SIPA1L3: variants seen among roughly 807,000 people sequenced by gnomAD.
SIPA1L3 encodes the protein signal induced proliferation associated 1 like 3, also known as signal-induced proliferation-associated 1-like protein 3.
Under a neutral mutation model 150.1 loss-of-function variants are expected in SIPA1L3, and 59 were observed. The observed-to-expected ratio is 0.39, with a 90% confidence interval of 0.32 to 0.49. The LOEUF is 0.49. Ranked by LOEUF, SIPA1L3 falls within the 20% of genes least tolerant of loss-of-function variation. The probability of loss-of-function intolerance (pLI) is 0.86; values close to 1 mark genes in which losing one functional copy is unlikely to be tolerated. For missense variants in SIPA1L3, 2,211 were observed against 2,489.5 expected, an observed-to-expected ratio of 0.89 and a Z score of 2.38; for synonymous variants, 1,070 against 1,077.6, an observed-to-expected ratio of 0.99 and a Z score of 0.14.
At chr19:38,088,682 A>G (rs1259898104) in intron 3 of SIPA1L3, 39 bp from the exon 4 acceptor site, 1 of 1,603,812 alleles carries the variant, frequency 6.2e-7, no homozygotes, top group South Asian at 1.1e-5. Context: ...CCTCCTTCCC[A>G]GACAGCTGAG....
At chr19:38,169,337 C>T (rs547891549) in intron 15 of SIPA1L3, among the ~76,000 whole-genome samples, 5 of 151,870 alleles carry the variant, frequency 3.3e-5, no homozygotes, top group Middle Eastern at 3.4e-3. Context: ...TGCAGTGAGC[C>T]GAGATCACGC....
Position 38,082,487 on chromosome 19 carries a change from A to G in SIPA1L3, c.922A>G (p.Ser308Gly). The G allele has an allele frequency of 6.3e-7, 1 of 1,593,274 alleles. No homozygotes were observed. The highest frequency in any genetic ancestry group is 1.1e-5 in the South Asian group (1 of 89,814). Residue 308 changes from serine to glycine, a missense_variant, in exon 3 of 22, where the codon AGC becomes GGC. This residue lies in a region of SIPA1L3 where 587 missense variants were observed against 534.5 expected (regional missense o/e 1.10). Coordinates refer to ENST00000222345, the MANE Select transcript of SIPA1L3 (RefSeq NM_015073.3). Reference sequence around the variant, plus strand: ...GTCCATCTTTCGGAAGCTAAGGAGCAGCAAACCCGAGGGGGAGGCTGGGCG... The same window carrying G: ...GTCCATCTTTCGGAAGCTAAGGAGCGGCAAACCCGAGGGGGAGGCTGGGCG... ...DSSIFRKLRS[S>G]KPEGEAGRSP...
At chr19:38,122,194 G>T (rs1971037434) in intron 9 of SIPA1L3, among the ~76,000 whole-genome samples, 1 of 151,106 alleles carries the variant, frequency 6.6e-6, no homozygotes, top group South Asian at 2.1e-4. Flanking sequence ...GCACTCCAAC[G>T]TGGGTGACAG....
chr19:38,099,844 A>G, intron 4 of SIPA1L3, 118 bp from the exon 5 acceptor site: 1 of 878,420 alleles, frequency 1.1e-6, no homozygotes, highest in South Asian at 2.0e-5. Context: ...TTCTGACCTT[A>G]GAGCACAAAC....
At chr19:38,048,326 A>G (rs1386934609) in intron 2 of SIPA1L3, among the ~76,000 whole-genome samples, 4 of 151,856 alleles carry the variant, frequency 2.6e-5, no homozygotes, top group African/African-American at 9.7e-5. Context: ...TCTGTCAGGG[A>G]CTCAGGTTCT....
At chr19:37,974,590 A>T (rs1301092945) in intron 1 of SIPA1L3, among the ~76,000 whole-genome samples, 2 of 151,968 alleles carry the variant, frequency 1.3e-5, no homozygotes, top group Non-Finnish European at 2.9e-5. Flanking sequence ...CGGTACTGTC[A>T]TGAGGGCAGA....
At chr19:38,092,209 C>T (rs917236576) in intron 4 of SIPA1L3, among the ~76,000 whole-genome samples, 6 of 151,918 alleles carry the variant, frequency 3.9e-5, no homozygotes, top group Admixed American at 6.6e-5. Context: ...TAGTGATACC[C>T]GTGTCTCTAA....
At chr19:38,101,958 T>A (rs1406552183) in intron 6 of SIPA1L3, among the ~76,000 whole-genome samples, 1 of 152,074 alleles carries the variant, frequency 6.6e-6, no homozygotes, top group African/African-American at 2.4e-5. Context: ...GAGAGCCACA[T>A]GCTTCGTGCT....
At chr19:37,945,652 G>A (rs7257688) in intron 1 of SIPA1L3, among the ~76,000 whole-genome samples, 102,163 of 151,986 alleles carry the variant, frequency 0.67, 35,848 homozygotes, top group African/African-American at 0.87. Context: ...AGATCCCCCC[G>A]TGTCTGTGGG....
At chr19:38,050,154 A>C (rs1319252089) in intron 2 of SIPA1L3, among the ~76,000 whole-genome samples, 2 of 152,196 alleles carry the variant, frequency 1.3e-5, no homozygotes, top group African/African-American at 4.8e-5. Context: ...TAATATATGT[A>C]AAGCATTTAA....
chr19:37,995,556 G>C (rs556222316), intron 1 of SIPA1L3, among the ~76,000 whole-genome samples: 1 of 152,184 alleles, frequency 6.6e-6, no homozygotes, highest in African/African-American at 2.4e-5. Context: ...CTCGGCTTGG[G>C]CACCATCAGG....
Position 38,082,303 on chromosome 19 carries a change from T to C in SIPA1L3, c.738T>C (p.Pro246=). 6.3e-7 allele frequency: 1 copy of C among 1,599,508 alleles called. No individual in the cohort carries two copies. Among genetic ancestry groups the C allele is most frequent in the Non-Finnish European group, 8.5e-7 (1 of 1,179,256 alleles). Residue 246 remains proline, a synonymous_variant, in exon 3 of 22, where the codon CCT becomes CCC. Transcript: ENST00000222345. The part of the protein sequence containing the change: ...QALTELLRAD[P]GPHLMGGGGG... ...TCACCGAGCTCCTCCGGGCAGATCC[T>C]GGCCCACACCTCATGGGGGGCGGCG... is the stretch of plus-strand genomic sequence containing the variant.
At position 38,140,155 on chromosome 19, in the gene SIPA1L3, G is replaced by C. The variant is rs78023259; in HGVS notation, c.3144-1029G>C. ...AGACACTCAGAGGATCAGCTCGATG[G>C]GGGTATGGGCACTTCCAGGCTGAAG... On this transcript the variant is annotated intron_variant, in intron 10 of 21. Transcript: ENST00000222345. Among the ~76,000 whole-genome samples the C allele has an allele frequency of 6.6e-5, 10 of 152,354 alleles. No individual in the cohort carries two copies. The East Asian group carries it at 1.5e-3, about 24-fold the overall frequency.
chr19:38,060,787 G>A (rs1390215870), intron 2 of SIPA1L3, among the ~76,000 whole-genome samples: 1 of 152,220 alleles, frequency 6.6e-6, no homozygotes, highest in Non-Finnish European at 1.5e-5. Flanking sequence ...TGCCTCCCGG[G>A]TTCAAGTGAT....
chr19:38,113,391 G>C (rs1335046056), intron 8 of SIPA1L3, among the ~76,000 whole-genome samples: 1 of 152,140 alleles, frequency 6.6e-6, no homozygotes, highest in Non-Finnish European at 1.5e-5. Flanking sequence ...ACTTTGGGAG[G>C]CTGAGGCAGG....
At chr19:38,032,890 G>A (rs1968685077) in intron 2 of SIPA1L3, among the ~76,000 whole-genome samples, 1 of 152,010 alleles carries the variant, frequency 6.6e-6, no homozygotes, top group East Asian at 1.9e-4. Flanking sequence ...TAAGTTGGAT[G>A]TATATAGTGT....
chr19:38,182,435 C>G, intron 15 of SIPA1L3, 84 bp from the exon 16 acceptor site: 2 of 1,047,166 alleles, frequency 1.9e-6, no homozygotes, highest in Non-Finnish European at 2.8e-6. Flanking sequence ...TTTTTTGATT[C>G]CCAAGAGTAA....
intron 8 of SIPA1L3, among the ~76,000 whole-genome samples, chr19:38,111,539 C>T (rs936318502): frequency 2.0e-5 from 3 of 152,178 alleles, no homozygotes; most frequent in African/African-American, 7.2e-5. Flanking sequence ...GGTGCTGGAG[C>T]AGAGGACGTG....
chr19:38,117,639 T>C (rs1175672986), intron 8 of SIPA1L3, among the ~76,000 whole-genome samples: 1 of 151,694 alleles, frequency 6.6e-6, no homozygotes, highest in Admixed American at 6.6e-5. Flanking sequence ...AAAAGAGCAT[T>C]ACCTATGGGG....
Sources: allele counts gnomAD v4.1 joint callset (sites outside exome capture counted in the v4.1 genomes callset), GRCh38; gene constraint gnomAD v4.1.1; regional missense constraint gnomAD v4.1.1; transcripts MANE v1.5; gene names NCBI Gene and HGNC (gene_info 2026-07-23, HGNC 2026-07-21).